FHIT: variants seen among roughly 807,000 people sequenced by gnomAD.
The protein encoded by FHIT is fragile histidine triad diadenosine triphosphatase.
FHIT carries 19 observed loss-of-function variants against 17.9 expected under a neutral mutation model. The observed-to-expected ratio is 1.06, with a 90% CI of 0.74 to 1.56. The LOEUF (loss-of-function observed/expected upper bound fraction) is 1.56, where lower values mean the gene tolerates loss of function less well. Among genes scored for constraint, FHIT ranks in the 40% most tolerant of loss-of-function variants. The pLI is 0.00. For missense variants in FHIT, 248 were observed against 189.2 expected, an observed-to-expected ratio of 1.31 and a Z score of -1.82; for synonymous variants, 81 against 69.7, an observed-to-expected ratio of 1.16 and a Z score of -0.81.
chr3:61,160,850 A>G (rs1162299554), intron 2 of FHIT, among the ~76,000 whole-genome samples: 2 of 152,216 alleles, frequency 1.3e-5, no homozygotes, highest in East Asian at 1.9e-4. Context: ...GTTGCCTTAC[A>G]TAAAAGCTTT....
At chr3:60,163,198 A>T (rs1404162947) in intron 5 of FHIT, among the ~76,000 whole-genome samples, 1 of 152,164 alleles carries the variant, frequency 6.6e-6, no homozygotes, top group African/African-American at 2.4e-5. Context: ...TAAGGTGTCC[A>T]AACTCACCCA....
At chr3:60,964,090 G>A (rs1327303120) in intron 3 of FHIT, among the ~76,000 whole-genome samples, 12 of 152,154 alleles carry the variant, frequency 7.9e-5, no homozygotes, top group South Asian at 6.2e-4. Context: ...GTCTCTAAGG[G>A]CTTGCTTTAT....
intron 5 of FHIT, among the ~76,000 whole-genome samples, chr3:60,124,441 C>T (rs1186590831): frequency 6.6e-6 from 1 of 152,018 alleles, no homozygotes; most frequent in African/African-American, 2.4e-5. Flanking sequence ...TTTCTTCATC[C>T]TTGGATACCT....
At chr3:60,852,711 T>C (rs1468062331) in intron 3 of FHIT, among the ~76,000 whole-genome samples, 2 of 151,922 alleles carry the variant, frequency 1.3e-5, no homozygotes, top group Non-Finnish European at 2.9e-5. Context: ...TAATGCCAAA[T>C]ATAAGGCAGT....
At chr3:61,053,963 G>C (rs2034122648) in intron 2 of FHIT, among the ~76,000 whole-genome samples, 1 of 152,194 alleles carries the variant, frequency 6.6e-6, no homozygotes, top group African/African-American at 2.4e-5. Context: ...TAAAATGCAG[G>C]TAAGCAAGCG....
intron 1 of FHIT, among the ~76,000 whole-genome samples, chr3:61,238,126 G>C (rs564809224): frequency 2.2e-4 from 34 of 152,272 alleles, no homozygotes; most frequent in African/African-American, 7.7e-4. Context: ...TATCTTTCTA[G>C]AGAGGGAAGA....
chr3:60,183,708 C>T (rs996129113), intron 5 of FHIT, among the ~76,000 whole-genome samples: 4 of 152,112 alleles, frequency 2.6e-5, no homozygotes, highest in Admixed American at 6.5e-5. Flanking sequence ...CCCCAGAATC[C>T]CTTTAAAACC....
In FHIT at chr3:60,700,130, CA is replaced by C. The variant is rs55852235; in HGVS notation, c.-18+121788del. Among the ~76,000 whole-genome samples, 1,197 of 134,458 alleles carry C rather than the reference CA, an allele frequency of 8.9e-3. 9 individuals carry two copies. The highest frequency in any genetic ancestry group is 0.023 in the African/African-American group (796 of 35,346). The allele number at this position is 134,458 out of a possible 152,430, so 88.2% of individuals were successfully genotyped here. On this transcript the variant is annotated intron_variant, in intron 4 of 9. Coordinates refer to ENST00000492590, the MANE Select transcript of FHIT (RefSeq NM_002012.4). ...TGGGCAGCAGAGCGAGAGTCTGTCT[CA>C]AAAAAAAAAAAAAAATACACAGGTA...
At chr3:59,957,147 C>T (rs975558663) in intron 7 of FHIT, among the ~76,000 whole-genome samples, 18 of 152,160 alleles carry the variant, frequency 1.2e-4, no homozygotes, top group African/African-American at 3.6e-4. Context: ...CAGTACCTCT[C>T]AATGTGACTT....
At chr3:61,158,952 C>A (rs2037610998) in intron 2 of FHIT, among the ~76,000 whole-genome samples, 1 of 152,198 alleles carries the variant, frequency 6.6e-6, no homozygotes, top group Non-Finnish European at 1.5e-5. Flanking sequence ...TACATGTAGA[C>A]TGGGAAAAGT....
intron 5 of FHIT, among the ~76,000 whole-genome samples, chr3:60,434,991 G>A (rs1231914765): frequency 6.6e-6 from 1 of 151,824 alleles, no homozygotes; most frequent in African/African-American, 2.4e-5. Flanking sequence ...CTTCTTTTTT[G>A]GTTTATTTTA....
intron 4 of FHIT, among the ~76,000 whole-genome samples, chr3:60,558,483 C>A (rs952456746): frequency 6.6e-6 from 1 of 151,872 alleles, no homozygotes; most frequent in Non-Finnish European, 1.5e-5. Context: ...ATTGGCCTGT[C>A]CACTTGACCC....
intron 5 of FHIT, among the ~76,000 whole-genome samples, chr3:60,121,953 T>G (rs1705277178): frequency 6.6e-6 from 1 of 152,140 alleles, no homozygotes; most frequent in Non-Finnish European, 1.5e-5. Context: ...CACTCTTTGC[T>G]CAAACCAAGG....
chr3:60,575,318 T>C (rs1576909705), intron 4 of FHIT, among the ~76,000 whole-genome samples: 1 of 152,108 alleles, frequency 6.6e-6, no homozygotes, highest in East Asian at 1.9e-4. Flanking sequence ...ATTAAGGAAT[T>C]AGAAATGTAA....
chr3:60,168,691 T>C (rs1050681617), intron 5 of FHIT, among the ~76,000 whole-genome samples: 4 of 152,216 alleles, frequency 2.6e-5, no homozygotes, highest in Non-Finnish European at 4.4e-5. Flanking sequence ...GGGGACATTA[T>C]CCTGCGTTTC....
chr3:60,608,757 A>G (rs565852103), intron 4 of FHIT, among the ~76,000 whole-genome samples: 23 of 152,288 alleles, frequency 1.5e-4, no homozygotes, highest in Admixed American at 3.9e-4. Flanking sequence ...AATTATGAAC[A>G]TCGTTATTTG....
intron 4 of FHIT, among the ~76,000 whole-genome samples, chr3:60,633,939 T>C (rs530715387): frequency 8.5e-5 from 13 of 152,350 alleles, no homozygotes; most frequent in African/African-American, 2.6e-4. Context: ...ACGCACAGGC[T>C]CATAGCATAT....
intron 5 of FHIT, among the ~76,000 whole-genome samples, chr3:60,218,315 C>T (rs1013119874): frequency 8.5e-5 from 13 of 152,052 alleles, no homozygotes; most frequent in African/African-American, 2.9e-4. Flanking sequence ...GGAAACAAAG[C>T]TTTCAAGTAA....
chr3:60,010,242 C>G (rs809098), intron 7 of FHIT, among the ~76,000 whole-genome samples: 67,184 of 152,086 alleles, frequency 0.44, 15,144 homozygotes, highest in East Asian at 0.64. Context: ...TTTAGAGCCT[C>G]ACATGGAGGT....
Sources: allele counts gnomAD v4.1 joint callset (sites outside exome capture counted in the v4.1 genomes callset), GRCh38; gene constraint gnomAD v4.1.1; transcripts MANE v1.5; gene names NCBI Gene and HGNC (gene_info 2026-07-23, HGNC 2026-07-21).